The following ADAM10 variants were observed in gnomAD, a reference collection of about 807,000 sequenced individuals.
The protein encoded by ADAM10 is disintegrin and metalloproteinase domain-containing protein 10.
ADAM10 carries 17 observed loss-of-function variants against 90.1 expected under a neutral mutation model. That is an observed-to-expected ratio of 0.19 (90% confidence interval 0.13 to 0.28). The LOEUF is 0.28. Among genes scored for constraint, ADAM10 ranks in the 10% least tolerant of loss-of-function variants. ADAM10 has a pLI of 1.00. For missense variants in ADAM10, 610 were observed against 914.3 expected (o/e 0.67, Z 4.29); for synonymous variants, 310 against 298.6 (o/e 1.04, Z -0.40).
chr15:58,712,008 C>T (rs1413498488), intron 2 of ADAM10, among the ~76,000 whole-genome samples: 1 of 152,000 alleles, frequency 6.6e-6, no homozygotes, highest in Non-Finnish European at 1.5e-5. Flanking sequence ...TATATACATA[C>T]AACGTAAGAA....
chr15:58,675,780 G>A (rs1196210941), intron 4 of ADAM10, among the ~76,000 whole-genome samples: 1 of 152,140 alleles, frequency 6.6e-6, no homozygotes, highest in Non-Finnish European at 1.5e-5. Flanking sequence ...CATTTTTCAT[G>A]ATGGTTCTAT....
In ADAM10 at chr15:58,629,993, C is replaced by T. The variant is rs555608316; in HGVS notation, c.1177-2110G>A. Among the ~76,000 whole-genome samples, 6 of 152,196 alleles carry T rather than the reference C, an allele frequency of 3.9e-5. No individual in the cohort carries two copies. In the South Asian group the frequency reaches 1.0e-3, roughly 26 times the overall value. ...TTCGCCATGTTGCCCAGGCTGGTCT[C>T]GAACTCCTGGGCTCAAGCAATCTGC... is the stretch of plus-strand genomic sequence containing the variant. On this transcript the variant is annotated intron_variant, in intron 9 of 15. Transcript: ENST00000260408.
intron 4 of ADAM10, among the ~76,000 whole-genome samples, chr15:58,673,859 C>T (rs866174894): frequency 6.6e-6 from 1 of 151,874 alleles, no homozygotes; most frequent in South Asian, 2.1e-4. Flanking sequence ...CTCAGCCTCT[C>T]GAGTAGCTGG....
chr15:58,643,785 A>G (rs1453276177), intron 7 of ADAM10, 101 bp downstream of exon 7: 5 of 956,914 alleles, frequency 5.2e-6, no homozygotes, highest in Non-Finnish European at 8.3e-6. Flanking sequence ...AAACTACTTA[A>G]TTCATAAAGA....
At chr15:58,723,696 C>A (rs1164321828) in intron 1 of ADAM10, among the ~76,000 whole-genome samples, 1 of 151,790 alleles carries the variant, frequency 6.6e-6, no homozygotes, top group African/African-American at 2.4e-5. Context: ...CAACAGTGAG[C>A]CTCCACCTCA....
In ADAM10 at chr15:58,664,892, C is replaced by A. The variant is rs189517028; in HGVS notation, c.585+205G>T. ...ATAGTATATTTTAGACTTGTAATGT[C>A]TTTTGGGTCACATATATTTGTATTC... On this transcript the variant is annotated intron_variant, in intron 5 of 15. Transcript: ENST00000260408. 2.6e-5 allele frequency among the ~76,000 whole-genome samples: 4 copies of A among 152,082 alleles called. No individual in the cohort carries two copies. In the East Asian group the frequency reaches 7.7e-4, roughly 29 times the overall value.
chr15:58,633,285 T>C lies in ADAM10; in HGVS notation c.1087A>G (p.Ile363Val). The change falls in exon 9 of 16, where the codon ATT becomes GTT. Residue 363 changes from isoleucine to valine, a missense_variant. Ile to Val is a conservative substitution (Grantham distance 29). Around this residue, in one of 4 missense-constraint regions of ADAM10, gnomAD observed 97 missense variants for 221.4 expected, o/e 0.44. Coordinates refer to ENST00000260408, the MANE Select transcript of ADAM10 (RefSeq NM_001110.4). The stretch of plus-strand genomic sequence containing the variant: ...TGAGACCCATAGTTCTGAACAGTAA[T>C]AATTCCAGTGTTTAAGGACTTCTTC... ...GKKKSLNTGI[I>V]TVQNYGSHVP... is the part of the protein sequence containing the mutation. 2 of 1,613,158 alleles carry C rather than the reference T, an allele frequency of 1.2e-6. No homozygotes were observed. Among genetic ancestry groups the C allele is most frequent in the Non-Finnish European group, 1.7e-6 (2 of 1,179,188 alleles).
At chr15:58,644,957 C>T (rs1191283260) in intron 6 of ADAM10, among the ~76,000 whole-genome samples, 1 of 152,254 alleles carries the variant, frequency 6.6e-6, no homozygotes. Flanking sequence ...CAAAAGTATC[C>T]GTTTACCTAG....
chr15:58,710,774 A>G (rs1284435320), intron 2 of ADAM10, among the ~76,000 whole-genome samples: 1 of 152,164 alleles, frequency 6.6e-6, no homozygotes, highest in East Asian at 1.9e-4. Context: ...CACCATTCAA[A>G]TTTATTCCCT....
intron 2 of ADAM10, among the ~76,000 whole-genome samples, chr15:58,708,019 A>G (rs1567005932): frequency 6.6e-6 from 1 of 151,802 alleles, no homozygotes; most frequent in South Asian, 2.1e-4. Flanking sequence ...GGAGGTTGCA[A>G]TGAGTGAAGA....
chr15:58,739,382 T>C (rs1007686985), intron 1 of ADAM10, among the ~76,000 whole-genome samples: 79 of 148,180 alleles, frequency 5.3e-4, no homozygotes, highest in African/African-American at 1.8e-3. Context: ...CCAGGCATGG[T>C]GGCAGGTGCT....
intron 4 of ADAM10, among the ~76,000 whole-genome samples, chr15:58,675,446 C>T (rs917871885): frequency 2.0e-4 from 30 of 152,108 alleles, no homozygotes; most frequent in African/African-American, 6.5e-4. Flanking sequence ...TCAGATATTC[C>T]TAAAACCTGT....
At chr15:58,615,777 G>A (rs747679355) in intron 11 of ADAM10, among the ~76,000 whole-genome samples, 7 of 152,256 alleles carry the variant, frequency 4.6e-5, no homozygotes, top group African/African-American at 1.2e-4. Flanking sequence ...GGAGGCCGAG[G>A]CGGGCAGATC....
At chr15:58,699,022 A>G (rs1898057225) in intron 2 of ADAM10, among the ~76,000 whole-genome samples, 2 of 152,230 alleles carry the variant, frequency 1.3e-5, no homozygotes, top group African/African-American at 4.8e-5. Flanking sequence ...GTCAAAGACA[A>G]AGAGAGAATT....
rs11071395 is a variant in ADAM10, at chr15:58,727,917, G to A, written c.56-10190C>T. Among the ~76,000 whole-genome samples the A allele has an allele frequency of 1.2e-3, 182 of 152,214 alleles. 1 individual carries two copies. Among genetic ancestry groups the A allele is most frequent in the African/African-American group, 4.2e-3 (175 of 41,558 alleles). ...ATGTGAAGAAAAAGTTGATAGAACA[G>A]AAAAAAGCAGACTCTGTAACTAGAG... On this transcript the variant is annotated intron_variant, in intron 1 of 15. Coordinates refer to ENST00000260408, the MANE Select transcript of ADAM10 (RefSeq NM_001110.4).
intron 9 of ADAM10, among the ~76,000 whole-genome samples, chr15:58,631,870 C>T (rs763001303): frequency 6.6e-6 from 1 of 152,166 alleles, no homozygotes; most frequent in South Asian, 2.1e-4. Flanking sequence ...TTTTAAATAC[C>T]TTATCCAAGA....
intron 1 of ADAM10, among the ~76,000 whole-genome samples, chr15:58,744,909 G>A (rs995469638): frequency 2.6e-5 from 4 of 152,124 alleles, no homozygotes; most frequent in Non-Finnish European, 5.9e-5. Flanking sequence ...CCAGCGGGGC[G>A]CAGTGGCTCA....
chr15:58,720,281 A>G (rs1479117021), intron 1 of ADAM10, among the ~76,000 whole-genome samples: 1 of 152,242 alleles, frequency 6.6e-6, no homozygotes, highest in East Asian at 1.9e-4. Flanking sequence ...AGAGGTGAGA[A>G]GAATGAGTCC....
chr15:58,729,536 G>C (rs576320764), intron 1 of ADAM10, among the ~76,000 whole-genome samples: 1 of 152,278 alleles, frequency 6.6e-6, no homozygotes, highest in South Asian at 2.1e-4. Context: ...ATTCAAGTTT[G>C]AGAAGCACTG....
Sources: allele counts gnomAD v4.1 joint callset (sites outside exome capture counted in the v4.1 genomes callset), GRCh38; gene constraint gnomAD v4.1.1; regional missense constraint gnomAD v4.1.1; transcripts MANE v1.5; gene names NCBI Gene and HGNC (gene_info 2026-07-23, HGNC 2026-07-21).